The following C16orf89 variants were observed in gnomAD, a reference collection of about 807,000 sequenced individuals.
The protein encoded by C16orf89 is chromosome 16 open reading frame 89.
A neutral mutation model predicts 41.5 loss-of-function variants in C16orf89; 57 were observed. That is an observed-to-expected ratio of 1.38 (90% confidence interval 1.11 to 1.71). C16orf89 has a LOEUF of 1.71. Ranked by LOEUF, C16orf89 falls within the 40% of genes most tolerant of loss-of-function variation. The probability of loss-of-function intolerance (pLI) is 0.00; values close to 1 mark genes in which losing one functional copy is unlikely to be tolerated. For synonymous variants in C16orf89, 223 were observed against 190.6 expected (o/e 1.17, Z -1.40); for missense variants, 575 against 445.9 (o/e 1.29, Z -2.61).
In C16orf89 at chr16:5,062,561, A is replaced by C; in HGVS notation, c.222T>G (p.Ser74Arg). The C allele has an allele frequency of 6.2e-7, 1 of 1,610,064 alleles. No individual in the cohort carries two copies. Among genetic ancestry groups the C allele is most frequent in the Non-Finnish European group, 8.5e-7 (1 of 1,178,256 alleles). The change falls in exon 2 of 8, where the codon AGT (serine) becomes AGG (arginine). Residue 74 changes from serine to arginine, a missense_variant. By Grantham distance (110) the Ser-to-Arg change is moderately radical. Coordinates refer to ENST00000472572, the MANE Select transcript of C16orf89 (RefSeq NM_001098514.3). ...GCTCCTGGGCCCACTTCTCCCGGAC[A>C]CTTTTTAGCTGCTCTGGAAGGGAAC... ...GVRVLEEQLK[S>R]VREKWAQEPL...
chr16:5,059,444 T>C (rs1956572654), intron 3 of C16orf89, among the ~76,000 whole-genome samples: 1 of 152,016 alleles, frequency 6.6e-6, no homozygotes. Flanking sequence ...CACTCCAGCC[T>C]GGGGGACAGT....
intron 3 of C16orf89, among the ~76,000 whole-genome samples, chr16:5,059,276 A>C (rs762969350): frequency 6.6e-6 from 1 of 151,010 alleles, no homozygotes; most frequent in Non-Finnish European, 1.5e-5. Flanking sequence ...AAATAAAATA[A>C]AATAAAGTAA....
intron 5 of C16orf89, chr16:5,055,676 C>T: frequency 3.3e-6 from 5 of 1,534,140 alleles, no homozygotes; most frequent in Non-Finnish European, 4.4e-6. Flanking sequence ...GTGGGTCTGT[C>T]TGCCAGTCAC....
intron 6 of C16orf89, among the ~76,000 whole-genome samples, chr16:5,050,656 A>G (rs866371417): frequency 5.3e-5 from 8 of 152,166 alleles, no homozygotes; most frequent in Admixed American, 4.6e-4. Context: ...CATTACCCCA[A>G]TACTAAAACC....
chr16:5,056,282 C>G (rs1333299107), intron 4 of C16orf89, 94 bp from the exon 5 acceptor site: 7 of 1,261,294 alleles, frequency 5.5e-6, no homozygotes, highest in Non-Finnish European at 4.4e-6. Context: ...CTGAGACGGT[C>G]TTGCAAGGGG....
chr16:5,054,135 C>T (rs1489653576), intron 6 of C16orf89, among the ~76,000 whole-genome samples: 13 of 152,322 alleles, frequency 8.5e-5, no homozygotes, highest in Admixed American at 2.0e-4. Context: ...GCTTTTGCTT[C>T]GTGGAGCATC....
intron 4 of C16orf89, 27 bp from the exon 5 acceptor site, chr16:5,056,215 G>A (rs1956501204): frequency 6.4e-7 from 1 of 1,571,960 alleles, no homozygotes. Flanking sequence ...CCAAAGACAA[G>A]GGAGTCAGTG....
chr16:5,046,030 C>T (rs1369190276), intron 7 of C16orf89, among the ~76,000 whole-genome samples: 1 of 152,182 alleles, frequency 6.6e-6, no homozygotes, highest in African/African-American at 2.4e-5. Context: ...CCCTACCACC[C>T]TAGCCATAGG....
intron 1 of C16orf89, among the ~76,000 whole-genome samples, chr16:5,062,829 T>A (rs1596707296): frequency 1.3e-5 from 2 of 152,084 alleles, no homozygotes; most frequent in Admixed American, 1.3e-4. Context: ...CGGGCCTGGG[T>A]TCAAATCTTT....
chr16:5,044,855 A>C, intron 7 of C16orf89: 3 of 1,258,940 alleles, frequency 2.4e-6, no homozygotes, highest in East Asian at 5.9e-5. Flanking sequence ...AAAAAAAAAA[A>C]AGTGCTTTTC....
chr16:5,055,164 G>T, intron 6 of C16orf89, 82 bp downstream of exon 6: 4 of 1,210,698 alleles, frequency 3.3e-6, no homozygotes, highest in Non-Finnish European at 3.5e-6. Context: ...CCAATGCATT[G>T]TTCCCACACC....
intron 4 of C16orf89, among the ~76,000 whole-genome samples, chr16:5,058,277 G>A (rs1157567999): frequency 1.3e-5 from 2 of 151,888 alleles, no homozygotes; most frequent in African/African-American, 2.4e-5. Flanking sequence ...ACAGGTGCAC[G>A]CCACCACGTC....
intron 1 of C16orf89, among the ~76,000 whole-genome samples, chr16:5,064,357 A>G (rs1011147617): frequency 1.3e-5 from 2 of 152,202 alleles, no homozygotes; most frequent in South Asian, 4.1e-4. Context: ...CGTTGCTGCT[A>G]GTCAAGGATG....
chr16:5,055,411 C>T (rs1567154837), intron 5 of C16orf89, 61 bp from the exon 6 acceptor site: 7 of 1,419,252 alleles, frequency 4.9e-6, no homozygotes, highest in Non-Finnish European at 6.8e-6. Context: ...CCTCCCACTC[C>T]CCAGGGCTGC....
At chr16:5,048,603 T>G (rs1956344134) in intron 6 of C16orf89, among the ~76,000 whole-genome samples, 1 of 152,118 alleles carries the variant, frequency 6.6e-6, no homozygotes, top group Non-Finnish European at 1.5e-5. Context: ...TCATTACCAC[T>G]AGACTGGCCT....
At chr16:5,060,014 A>C (rs1411271931) in intron 3 of C16orf89, among the ~76,000 whole-genome samples, 1 of 151,862 alleles carries the variant, frequency 6.6e-6, no homozygotes, top group Non-Finnish European at 1.5e-5. Context: ...TGCGGAGAGG[A>C]ATTGGGGATT....
intron 4 of C16orf89, among the ~76,000 whole-genome samples, chr16:5,056,895 G>A (rs1008375615): frequency 6.6e-5 from 10 of 152,134 alleles, no homozygotes; most frequent in Non-Finnish European, 1.3e-4. Context: ...TCTGGACACT[G>A]AATCACATTG....
rs547423819 is a variant in C16orf89 at position 5,044,170 on chromosome 16, G to A, written c.*178C>T. 15 of 1,357,202 alleles carry A rather than the reference G, an allele frequency of 1.1e-5. 2 individuals are homozygous for A. Among genetic ancestry groups the A allele is most frequent in the Middle Eastern group, 5.5e-4 (2 of 3,650 alleles). The allele number at this position is 1,357,202 out of a possible 1,614,324, so 84.1% of individuals were successfully genotyped here. ...ATCCGTTCACACCTGGGTCCCTCCCGGCCCCCACCTACCCTGGCCTTGCCT... is the reference window on the plus strand; with the variant it reads ...ATCCGTTCACACCTGGGTCCCTCCCAGCCCCCACCTACCCTGGCCTTGCCT... On this transcript the variant is annotated 3_prime_UTR_variant, in exon 8 of 8. Coordinates refer to ENST00000472572, the MANE Select transcript of C16orf89 (RefSeq NM_001098514.3).
At chr16:5,048,639 A>G (rs1430288864) in intron 6 of C16orf89, among the ~76,000 whole-genome samples, 1 of 152,180 alleles carries the variant, frequency 6.6e-6, no homozygotes, top group African/African-American at 2.4e-5. Flanking sequence ...AGGGAATCCT[A>G]CATCTGAAAA....
Sources: gnomAD v4.1 joint callset for allele counts (sites outside exome capture counted in the v4.1 genomes callset) on GRCh38, gnomAD v4.1.1 for gene constraint, MANE v1.5 for transcripts, NCBI Gene and HGNC (gene_info 2026-07-23, HGNC 2026-07-21) for gene names.